EDA: variants seen among roughly 807,000 people sequenced by gnomAD.
EDA encodes ectodysplasin A.
EDA carries 2 observed loss-of-function variants against 23.6 expected under a neutral mutation model. The ratio of observed to expected loss-of-function variants is 0.08; its 90% CI spans 0.03 to 0.27. The LOEUF (loss-of-function observed/expected upper bound fraction) is 0.27, where lower values mean the gene tolerates loss of function less well. EDA is among the 10% of genes least tolerant of loss of function. EDA has a pLI of 1.00. For synonymous variants in EDA, 131 were observed against 132.0 expected (o/e 0.99, Z 0.05); for missense variants, 229 against 324.2 (o/e 0.71, Z 2.26).
chrX:69,789,628 C>A (rs1240077288), intron 1 of EDA, among the ~76,000 whole-genome samples: 4 of 112,213 alleles, frequency 3.6e-5, no homozygotes, highest in Non-Finnish European at 5.6e-5. Flanking sequence ...GATGTACCCT[C>A]TCACAAGTAT....
intron 1 of EDA, among the ~76,000 whole-genome samples, chrX:69,851,956 T>C (rs748096833): frequency 3.7e-4 from 41 of 112,066 alleles, no homozygotes; most frequent in Non-Finnish European, 7.7e-4. Context: ...AACTTAAAGA[T>C]CCTAGTATGC....
chrX:69,971,633 C>T (rs1324935315), intron 2 of EDA, among the ~76,000 whole-genome samples: 1 of 111,522 alleles, frequency 9.0e-6, no homozygotes, highest in Non-Finnish European at 1.9e-5. Flanking sequence ...CTTTAAGAGG[C>T]CTTGATAAAC....
intron 1 of EDA, among the ~76,000 whole-genome samples, chrX:69,831,896 C>T (rs1213174353): frequency 9.1e-6 from 1 of 110,279 alleles, no homozygotes; most frequent in Non-Finnish European, 1.9e-5. Flanking sequence ...CTTTTTTTTT[C>T]TTGTAAATTT....
intron 1 of EDA, among the ~76,000 whole-genome samples, chrX:69,759,477 C>G (rs1229556321): frequency 8.9e-6 from 1 of 111,875 alleles, no homozygotes; most frequent in Non-Finnish European, 1.9e-5. Flanking sequence ...CAGGGGAAGA[C>G]AAATGATGCT....
At chrX:69,703,962 A>G (rs2011615746) in intron 1 of EDA, among the ~76,000 whole-genome samples, 1 of 112,375 alleles carries the variant, frequency 8.9e-6, no homozygotes, top group Non-Finnish European at 1.9e-5. Context: ...GTATGTATGT[A>G]TAGATAACAA....
At chrX:69,676,524 GT>G in intron 1 of EDA, among the ~76,000 whole-genome samples, 1 of 110,671 alleles carries the variant, frequency 9.0e-6, no homozygotes, top group Non-Finnish European at 1.9e-5. Context: ...GTGTGCTTGT[GT>G]GTGTGTGTGT....
intron 1 of EDA, among the ~76,000 whole-genome samples, chrX:69,830,017 T>C (rs182706537): frequency 3.1e-4 from 35 of 111,727 alleles, no homozygotes; most frequent in African/African-American, 1.0e-3. Flanking sequence ...GCAGGCTTTT[T>C]GATCAGCTTT....
chrX:69,979,867 C>T (rs972950602), intron 2 of EDA, among the ~76,000 whole-genome samples: 1 of 111,598 alleles, frequency 9.0e-6, no homozygotes, highest in Non-Finnish European at 1.9e-5. Flanking sequence ...ATTTGCAGCA[C>T]AGAGTTTTTA....
At chrX:69,682,764 G>A (rs778504151) in intron 1 of EDA, among the ~76,000 whole-genome samples, 15 of 111,229 alleles carry the variant, frequency 1.3e-4, no homozygotes, top group Admixed American at 1.2e-3. Context: ...AGATGGAAAC[G>A]CAGAAATCAC....
intron 1 of EDA, among the ~76,000 whole-genome samples, chrX:69,852,500 A>G (rs1447341142): frequency 8.9e-6 from 1 of 111,797 alleles, no homozygotes; most frequent in Non-Finnish European, 1.9e-5. Context: ...GCAGTAAACT[A>G]GGGGTAGTGA....
chrX:69,724,211 A>G (rs778272872), intron 1 of EDA, among the ~76,000 whole-genome samples: 215 of 110,942 alleles, frequency 1.9e-3, no homozygotes, highest in Non-Finnish European at 3.5e-3. Context: ...GGGGGAATCA[A>G]TTAATTAGTG....
At chrX:69,912,769 C>CTTTTT (rs750059116) in intron 1 of EDA, among the ~76,000 whole-genome samples, 1 of 79,210 alleles carries the variant, frequency 1.3e-5, no homozygotes, top group Non-Finnish European at 2.4e-5. Context: ...TTTTTCTTTT[C>CTTTTT]TTTTTTTTTT....
chrX:69,981,323 C>T (rs762098945), intron 2 of EDA, among the ~76,000 whole-genome samples: 1 of 111,514 alleles, frequency 9.0e-6, no homozygotes, highest in Non-Finnish European at 1.9e-5. Flanking sequence ...TAGAAACAAA[C>T]CTGTACTGTA....
chrX:69,756,949 T>G (rs1380173394), intron 1 of EDA: 1 of 111,545 alleles, frequency 9.0e-6, no homozygotes, highest in Non-Finnish European at 1.9e-5. Flanking sequence ...TGCTGCTAGG[T>G]TGGGATCACT....
At chrX:69,944,282 C>T (rs1489994585) in intron 1 of EDA, among the ~76,000 whole-genome samples, 2 of 112,144 alleles carry the variant, frequency 1.8e-5, no homozygotes, top group Non-Finnish European at 3.8e-5. Flanking sequence ...TGTACTGGGC[C>T]ACACCTGAAG....
At chrX:70,020,173 A>G (rs2020011472) in intron 2 of EDA, among the ~76,000 whole-genome samples, 1 of 112,027 alleles carries the variant, frequency 8.9e-6, no homozygotes, top group African/African-American at 3.2e-5. Flanking sequence ...AGGTTTAACT[A>G]CATGTAAGGA....
chrX:69,946,287 T>C (rs941505456), intron 1 of EDA, among the ~76,000 whole-genome samples: 1 of 111,642 alleles, frequency 9.0e-6, no homozygotes, highest in South Asian at 3.8e-4. Context: ...CTATCCTGCC[T>C]GACCTTTTCC....
intron 1 of EDA, among the ~76,000 whole-genome samples, chrX:69,866,915 C>T (rs992150695): frequency 8.9e-6 from 1 of 112,121 alleles, no homozygotes; most frequent in Non-Finnish European, 1.9e-5. Context: ...TCCGTTAGTC[C>T]ACGGTTGGTA....
At chrX:69,759,541 G>T (rs749820744) in intron 1 of EDA, among the ~76,000 whole-genome samples, 1 of 111,758 alleles carries the variant, frequency 8.9e-6, no homozygotes, top group Non-Finnish European at 1.9e-5. Flanking sequence ...AGGAAGAACC[G>T]CATTAGTGAT....
Sources: allele counts gnomAD v4.1 joint callset (sites outside exome capture counted in the v4.1 genomes callset), GRCh38; gene constraint gnomAD v4.1.1; transcripts MANE v1.5; gene names NCBI Gene and HGNC (gene_info 2026-07-23, HGNC 2026-07-21).